The following HPN variants were observed in gnomAD, a reference collection of about 807,000 sequenced individuals.
HPN encodes the protein serine protease hepsin.
Under a neutral mutation model 55.9 loss-of-function variants are expected in HPN, and 13 were observed. The ratio of observed to expected loss-of-function variants is 0.23; its 90% CI spans 0.15 to 0.37. HPN has a LOEUF of 0.37. Among genes scored for constraint, HPN ranks in the 10% least tolerant of loss-of-function variants. The pLI, the probability that HPN is intolerant of heterozygous loss-of-function variation, is 1.00. For missense variants in HPN, 451 were observed against 575.8 expected (o/e 0.78, Z 2.22); for synonymous variants, 225 against 240.3 (o/e 0.94, Z 0.59).
At position 35,060,880 on chromosome 19, in the gene HPN, C is replaced by T. The variant is rs1044262961; in HGVS notation, c.811+63C>T. The T allele has an allele frequency of 1.7e-5, 24 of 1,389,894 alleles. 1 individual carries two copies. The South Asian group carries it at 3.0e-4, about 18-fold the overall frequency. 86.1% of individuals were successfully genotyped at this position (1,389,894 alleles called of 1,614,324 possible). On this transcript the variant is annotated intron_variant, in intron 9 of 12. Transcript: ENST00000672452. ...GAGGCCAGGAGGACAGAGGAGGGGA[C>T]CAGGGGCACAAGGCAATCAACTTAT...
chr19:35,050,887 CT>C (rs964153149), intron 4 of HPN, among the ~76,000 whole-genome samples: 39 of 126,974 alleles, frequency 3.1e-4, no homozygotes, highest in Admixed American at 9.8e-4. Flanking sequence ...TTTTTCTTTT[CT>C]TTTTTTTTTC....
chr19:35,065,671 A>G lies in HPN; in HGVS notation c.1040A>G (p.Asp347Gly). 1 of 1,614,110 alleles carries G rather than the reference A, an allele frequency of 6.2e-7. No individual in the cohort carries two copies. The highest frequency in any genetic ancestry group is 8.5e-7 in the Non-Finnish European group (1 of 1,180,010). The change falls in exon 11 of 13, where the codon GAT (aspartate) becomes GGT (glycine). Residue 347 changes from aspartate to glycine, a missense_variant. Asp to Gly is a moderately conservative substitution (Grantham distance 94). Coordinates refer to ENST00000672452, the MANE Select transcript of HPN (RefSeq NM_001384133.1). The stretch of plus-strand genomic sequence containing the variant: ...GCTGGCTACCCCGAGGGTGGCATTG[A>G]TGCCTGCCAGGTGAGGGACTCTGTA... ...FCAGYPEGGI[D>G]ACQGDSGGPF...
chr19:35,065,314 C>G lies in HPN; in HGVS notation c.876C>G (p.Thr292=), dbSNP rs766292126. The change falls in exon 10 of 13, where the codon ACC becomes ACG. Residue 292 remains threonine (T), a synonymous_variant. Coordinates refer to ENST00000672452, the MANE Select transcript of HPN (RefSeq NM_001384133.1). ...CCCTGGTGGATGGCAAGATCTGTAC[C>G]GTGACGGGCTGGGGCAACACGCAGT... ...GQALVDGKIC[T]VTGWGNTQYY... The G allele has an allele frequency of 2.5e-6, 4 of 1,613,950 alleles. No homozygotes were observed. In the Admixed American group the frequency reaches 6.7e-5, roughly 27 times the overall value.
At chr19:35,047,254 G>GGCCATCTC (rs1391431536) in intron 2 of HPN, among the ~76,000 whole-genome samples, 1 of 152,216 alleles carries the variant, frequency 6.6e-6, no homozygotes, top group Non-Finnish European at 1.5e-5. Flanking sequence ...CTGGCCATCT[G>GGCCATCTC]GCCATCTCGA....
intron 7 of HPN, 65 bp from the exon 8 acceptor site, chr19:35,060,282 C>T: frequency 6.2e-7 from 1 of 1,607,028 alleles, no homozygotes; most frequent in South Asian, 1.1e-5. Context: ...CAGGGCCAAG[C>T]CTGGGCTCTG....
chr19:35,057,801 T>C (rs527429788), intron 4 of HPN, among the ~76,000 whole-genome samples: 3 of 152,318 alleles, frequency 2.0e-5, no homozygotes, highest in African/African-American at 7.2e-5. Flanking sequence ...AACGTATACA[T>C]ATTTCACATC....
At chr19:35,056,985 G>A (rs2064461559) in intron 4 of HPN, among the ~76,000 whole-genome samples, 1 of 151,978 alleles carries the variant, frequency 6.6e-6, no homozygotes, top group Non-Finnish European at 1.5e-5. Context: ...TGGCAGTCTG[G>A]TGTATTAGTC....
At chr19:35,044,774 G>T (rs1940590845) in intron 2 of HPN, among the ~76,000 whole-genome samples, 1 of 152,148 alleles carries the variant, frequency 6.6e-6, no homozygotes, top group Non-Finnish European at 1.5e-5. Context: ...AGTCACAGAG[G>T]GTTCTATAGG....
In HPN at chr19:35,061,803, C is replaced by T. The variant is rs543649310; in HGVS notation, c.811+986C>T. Among the ~76,000 whole-genome samples, 6 of 152,150 alleles carry T rather than the reference C, an allele frequency of 3.9e-5. No homozygotes were observed. In the South Asian group the frequency reaches 6.2e-4, roughly 16 times the overall value. On this transcript the variant is annotated intron_variant, in intron 9 of 12. Transcript: ENST00000672452. ...GTACAAGGCTGGGCACGGTGGCTCA[C>T]GCCTGTAATCCTGGCACTCTGGGCA...
At chr19:35,060,266 C>G in intron 7 of HPN, 81 bp from the exon 8 acceptor site, 1 of 1,606,846 alleles carries the variant, frequency 6.2e-7, no homozygotes. Context: ...TTCAGACCCC[C>G]TAGGGCAGGG....
chr19:35,043,416 C>A lies in HPN; in HGVS notation c.16+894C>A, dbSNP rs146054983. 4.9e-3 allele frequency among the ~76,000 whole-genome samples: 742 copies of A among 152,300 alleles called. 4 individuals are homozygous for A. Among genetic ancestry groups the A allele is most frequent in the African/African-American group, 0.015 (618 of 41,560 alleles). ...GGGGCTGACTCCCTCTCTTCTTCCG[C>A]AACCAGGATAGCCGGGCTCAGTCCT... On this transcript the variant is annotated intron_variant, in intron 2 of 12. Coordinates refer to ENST00000672452, the MANE Select transcript of HPN (RefSeq NM_001384133.1).
At chr19:35,052,885 A>G (rs1172902858) in intron 4 of HPN, among the ~76,000 whole-genome samples, 1 of 152,190 alleles carries the variant, frequency 6.6e-6, no homozygotes, top group Non-Finnish European at 1.5e-5. Context: ...CTCCAGCTGG[A>G]AAGGAGCGAG....
At chr19:35,042,268 C>T in intron 1 of HPN, 185 bp from the exon 2 acceptor site, 1 of 1,360,078 alleles carries the variant, frequency 7.4e-7, no homozygotes, top group Non-Finnish European at 9.4e-7. Flanking sequence ...CAGGCGTCCC[C>T]CCGCTGCTGG....
At chr19:35,044,849 G>A (rs1041153945) in intron 2 of HPN, among the ~76,000 whole-genome samples, 10 of 152,122 alleles carry the variant, frequency 6.6e-5, no homozygotes, top group South Asian at 4.1e-4. Context: ...TGGAGGGTGC[G>A]CTAGAAGGGA....
At position 35,042,052 on chromosome 19, in the gene HPN, C is replaced by T. The variant is rs571787515; in HGVS notation, c.-55+180C>T. The T allele has an allele frequency of 3.2e-5, 36 of 1,142,126 alleles. No homozygotes were observed. The Admixed American group carries it at 1.4e-3, about 46-fold the overall frequency. 70.7% of individuals were successfully genotyped at this position (1,142,126 alleles called of 1,614,324 possible). ...GTCCTGCTCTTCCTTCAGACTCAGC[C>T]GTTGGACCCCAGTCCTTTCCTCCCC... is the stretch of plus-strand genomic sequence containing the variant. On this transcript the variant is annotated intron_variant, in intron 1 of 12. Coordinates refer to ENST00000672452, the MANE Select transcript of HPN (RefSeq NM_001384133.1).
chr19:35,045,936 A>G (rs1448848039), intron 2 of HPN, among the ~76,000 whole-genome samples: 1 of 152,158 alleles, frequency 6.6e-6, no homozygotes, highest in Non-Finnish European at 1.5e-5. Context: ...TAGGAGACAC[A>G]TACATAGTGG....
intron 2 of HPN, among the ~76,000 whole-genome samples, chr19:35,045,821 C>G (rs1353981289): frequency 6.6e-6 from 1 of 151,758 alleles, no homozygotes; most frequent in Non-Finnish European, 1.5e-5. Context: ...AGGGAGGATG[C>G]CTCTCATACT....
rs190651353 is a variant in HPN at position 35,044,928 on chromosome 19, G to A, written c.16+2406G>A. 2.9e-3 allele frequency among the ~76,000 whole-genome samples: 434 copies of A among 152,142 alleles called. 2 individuals carry two copies. The highest frequency in any genetic ancestry group is 0.017 in the Middle Eastern group (5 of 294). Reference sequence around the variant, plus strand: ...GGAGAGAAAGAAGGAAACGGGGGAAGGAGAGTCACTCAGGAGGATTGGCAG... The same window carrying A: ...GGAGAGAAAGAAGGAAACGGGGGAAAGAGAGTCACTCAGGAGGATTGGCAG... On this transcript the variant is annotated intron_variant, in intron 2 of 12. Transcript: ENST00000672452.
intron 4 of HPN, chr19:35,059,325 C>T: frequency 1.0e-5 from 4 of 400,398 alleles, no homozygotes; most frequent in South Asian, 8.5e-5. Context: ...AACAAACAAA[C>T]AAAAAAATTA....
Sources: gnomAD v4.1 joint callset for allele counts (sites outside exome capture counted in the v4.1 genomes callset) on GRCh38, gnomAD v4.1.1 for gene constraint, MANE v1.5 for transcripts, NCBI Gene and HGNC (gene_info 2026-07-23, HGNC 2026-07-21) for gene names.